Variants in HHEX observed in about 807,000 individuals in gnomAD.
The protein encoded by HHEX is hematopoietically-expressed homeobox protein HHEX.
HHEX carries 8 observed loss-of-function variants against 27.0 expected under a neutral mutation model. That is an observed-to-expected ratio of 0.30 (90% CI 0.17 to 0.54). HHEX has a LOEUF of 0.54. HHEX is among the 20% of genes least tolerant of loss of function. The pLI is 0.95. For missense variants in HHEX, 326 were observed against 357.2 expected (o/e 0.91, Z 0.70); for synonymous variants, 164 against 161.5 (o/e 1.02, Z -0.12).
chr10:92,695,020 TC>T lies in HHEX; in HGVS notation c.*257del. 2.9e-6 allele frequency: 1 copy of T among 347,878 alleles called. No individual in the cohort carries two copies. The highest frequency in any genetic ancestry group is 5.2e-6 in the Non-Finnish European group (1 of 192,598). The allele number at this position is 347,878 out of a possible 1,614,324, so 21.5% of individuals were successfully genotyped here. On this transcript the variant is annotated 3_prime_UTR_variant, in exon 4 of 4. Transcript: ENST00000282728. ...AGTGACATTATAGTGATTAAATTCT[TC>T]CCCCTTTAAAAAAACAGTTAGTGGT...
intron 1 of HHEX, chr10:92,691,971 C>G (rs1056637047): frequency 6.2e-6 from 1 of 161,198 alleles, no homozygotes; most frequent in African/African-American, 2.4e-5. Flanking sequence ...ACCCGGTGTT[C>G]GCAAGTGCGG....
chr10:92,690,477 G>A, intron 1 of HHEX, 130 bp downstream of exon 1: 1 of 1,129,498 alleles, frequency 8.9e-7, no homozygotes, highest in Non-Finnish European at 1.2e-6. Context: ...GCAGCTGTCG[G>A]GCACGCGCGG....
At position 92,693,840 on chromosome 10, in the gene HHEX, G is replaced by A. The variant is rs536544998; in HGVS notation, c.592-707G>A. The stretch of plus-strand genomic sequence containing the variant: ...ATATACTTAATAGTTCTTGGTCAAA[G>A]GCTTGACTCTAGTTTACCAGAGACC... On this transcript the variant is annotated intron_variant, in intron 3 of 3. Transcript: ENST00000282728. 2.0e-5 allele frequency among the ~76,000 whole-genome samples: 3 copies of A among 152,272 alleles called. No homozygotes were observed. The South Asian group carries it at 6.2e-4, about 32-fold the overall frequency.
At position 92,690,001 on chromosome 10, in the gene HHEX, C is replaced by T. The variant is rs1004590594; in HGVS notation, c.15C>T (p.His5=). The T allele has an allele frequency of 9.5e-6, 14 of 1,467,808 alleles. No homozygotes were observed. The African/African-American group carries it at 1.2e-4, about 12-fold the overall frequency. 90.9% of individuals were successfully genotyped at this position (1,467,808 alleles called of 1,614,324 possible). A position where few individuals can be genotyped will look rare whatever the true frequency, so the allele number is the denominator to read the frequency against. The change falls in exon 1 of 4, where the codon CAC becomes CAT. Residue 5 remains histidine (H), a synonymous_variant. Coordinates refer to ENST00000282728, the MANE Select transcript of HHEX (RefSeq NM_002729.5). MQYP[H]PGPAAGAVGV... ...GCGGCGGAGCCATGCAGTACCCGCA[C>T]CCCGGGCCGGCGGCGGGCGCCGTGG...
chr10:92,691,283 G>A (rs2135940931), intron 1 of HHEX, among the ~76,000 whole-genome samples: 1 of 152,262 alleles, frequency 6.6e-6, no homozygotes, highest in East Asian at 1.9e-4. Flanking sequence ...AGCCGCCCGT[G>A]GTCCGCGCTG....
intron 1 of HHEX, among the ~76,000 whole-genome samples, chr10:92,691,055 A>G (rs1845350088): frequency 6.6e-6 from 1 of 152,176 alleles, no homozygotes; most frequent in Admixed American, 6.5e-5. Flanking sequence ...GTTTTGCACC[A>G]GTCTGAAGCC....
chr10:92,691,151 C>T (rs1478162932), intron 1 of HHEX, among the ~76,000 whole-genome samples: 2 of 152,152 alleles, frequency 1.3e-5, no homozygotes, highest in East Asian at 3.8e-4. Flanking sequence ...GACCGACCGA[C>T]ACTACTTTGG....
At chr10:92,692,801 A>AT in intron 3 of HHEX, 49 bp downstream of exon 3, 1 of 1,467,036 alleles carries the variant, frequency 6.8e-7, no homozygotes, top group East Asian at 2.3e-5. Flanking sequence ...TTATCACGTT[A>AT]TCTCAGTGCA....
intron 3 of HHEX, among the ~76,000 whole-genome samples, chr10:92,693,264 A>G (rs565692959): frequency 7.9e-5 from 12 of 152,380 alleles, no homozygotes; most frequent in African/African-American, 2.6e-4. Context: ...TTAAAATGAA[A>G]TATAAAACTT....
intron 3 of HHEX, among the ~76,000 whole-genome samples, chr10:92,693,916 C>T (rs1236321364): frequency 6.6e-6 from 1 of 152,020 alleles, no homozygotes; most frequent in Non-Finnish European, 1.5e-5. Context: ...AGAAATTTGC[C>T]CCAGATTTTA....
chr10:92,692,324 G>C, intron 1 of HHEX, 44 bp from the exon 2 acceptor site: 1 of 1,602,226 alleles, frequency 6.2e-7, no homozygotes, highest in Non-Finnish European at 8.5e-7. Flanking sequence ...GTCTGGCCAG[G>C]CCGCTCCAGG....
intron 1 of HHEX, 145 bp downstream of exon 1, chr10:92,690,492 G>C: frequency 9.6e-7 from 1 of 1,046,598 alleles, no homozygotes; most frequent in Non-Finnish European, 1.3e-6. Context: ...GCGCGGGGAC[G>C]GGAGGCGCGC....
intron 1 of HHEX, among the ~76,000 whole-genome samples, chr10:92,690,707 G>A (rs1845346476): frequency 6.6e-6 from 1 of 152,200 alleles, no homozygotes; most frequent in Non-Finnish European, 1.5e-5. Context: ...ATCGCAGCCG[G>A]GCCCGGGTGG....
chr10:92,692,419 A>C lies in HHEX; in HGVS notation c.413A>C (p.Lys138Thr). 1 of 1,614,012 alleles carries C rather than the reference A, an allele frequency of 6.2e-7. No individual in the cohort carries two copies. Among genetic ancestry groups the C allele is most frequent in the Non-Finnish European group, 8.5e-7 (1 of 1,179,988 alleles). ...PFLQRPLHKRKGGQVRFSNDQ... is the reference protein window; with the variant it reads ...PFLQRPLHKRTGGQVRFSNDQ... ...TTGCAGAGGCCTCTGCATAAAAGGA[A>C]AGGCGGCCAGGTGAGATTCTCCAAC... is the stretch of plus-strand genomic sequence containing the variant. Residue 138 changes from lysine to threonine, a missense_variant, in exon 2 of 4, where the codon AAA becomes ACA. Lys to Thr is a moderately conservative substitution (Grantham distance 78, BLOSUM62 -1). This residue lies in a region of HHEX where 40 missense variants were observed against 54.9 expected (regional missense o/e 0.73). Transcript: ENST00000282728.
intron 2 of HHEX, 45 bp downstream of exon 2, chr10:92,692,591 C>A: frequency 1.2e-6 from 2 of 1,610,598 alleles, no homozygotes; most frequent in Non-Finnish European, 1.7e-6. Flanking sequence ...GAAGGGAAGG[C>A]TTCTGGGGTA....
At chr10:92,694,521 T>A in intron 3 of HHEX, 26 bp from the exon 4 acceptor site, 2 of 1,538,362 alleles carry the variant, frequency 1.3e-6, no homozygotes, top group Non-Finnish European at 1.8e-6. Context: ...ATCCTTCCAA[T>A]CTCCATTTTC....
intron 1 of HHEX, among the ~76,000 whole-genome samples, chr10:92,690,935 G>A (rs1332963310): frequency 6.6e-6 from 1 of 152,192 alleles, no homozygotes; most frequent in African/African-American, 2.4e-5. Flanking sequence ...GGAAACACTC[G>A]ACTTCTGATA....
chr10:92,690,535 G>C (rs2135940621), intron 1 of HHEX, among the ~76,000 whole-genome samples, 188 bp downstream of exon 1: 1 of 152,240 alleles, frequency 6.6e-6, no homozygotes, highest in South Asian at 2.1e-4. Context: ...ACTCAGATTG[G>C]TTTTCCTGCA....
Position 92,690,034 on chromosome 10 carries a change from G to C in HHEX, c.48G>C (p.Pro16=), listed in dbSNP as rs1448876988. The change falls in exon 1 of 4, where the codon CCG becomes CCC. Residue 16 remains proline, a synonymous_variant. Coordinates refer to ENST00000282728, the MANE Select transcript of HHEX (RefSeq NM_002729.5). The stretch of plus-strand genomic sequence containing the variant: ...CGGCGGCGGGCGCCGTGGGGGTGCC[G>C]CTGTACGCGCCCACGCCGCTGCTGC... ...PGPAAGAVGV[P]LYAPTPLLQP... 6.6e-7 allele frequency: 1 copy of C among 1,516,110 alleles called. No homozygotes were observed. Among genetic ancestry groups the C allele is most frequent in the Non-Finnish European group, 8.8e-7 (1 of 1,135,360 alleles). The allele number at this position is 1,516,110 out of a possible 1,614,324, so 93.9% of individuals were successfully genotyped here.
Sources: gnomAD v4.1 joint callset for allele counts (sites outside exome capture counted in the v4.1 genomes callset) on GRCh38, gnomAD v4.1.1 for gene constraint, gnomAD v4.1.1 regional missense constraint, MANE v1.5 for transcripts, NCBI Gene and HGNC (gene_info 2026-07-23, HGNC 2026-07-21) for gene names.